BRD7: variants seen among roughly 807,000 people sequenced by gnomAD.
BRD7 encodes bromodomain containing 7, also known as bromodomain-containing protein 7.
Under a neutral mutation model 82.1 loss-of-function variants are expected in BRD7, and 15 were observed. That is an observed-to-expected ratio of 0.18 (90% CI 0.12 to 0.28). The LOEUF (loss-of-function observed/expected upper bound fraction) is 0.28. BRD7 is among the 10% of genes least tolerant of loss of function. The pLI, the probability that BRD7 is intolerant of heterozygous loss-of-function variation, is 1.00. For synonymous variants in BRD7, 232 were observed against 266.9 expected (o/e 0.87, Z 1.27); for missense variants, 638 against 779.9 (o/e 0.82, Z 2.17).
intron 2 of BRD7, among the ~76,000 whole-genome samples, chr16:50,364,518 C>T (rs756809888): frequency 5.3e-5 from 8 of 152,198 alleles, no homozygotes; most frequent in Non-Finnish European, 1.2e-4. Flanking sequence ...TAGAAACCAT[C>T]CCCCTACCTG....
intron 5 of BRD7, among the ~76,000 whole-genome samples, chr16:50,341,179 C>CACAT (rs2038035230): frequency 4.0e-5 from 3 of 74,922 alleles, no homozygotes; most frequent in Non-Finnish European, 7.0e-5. Context: ...ACCTTAAGTA[C>CACAT]ACACACACAC....
At chr16:50,333,265 A>G (rs2037647265) in intron 8 of BRD7, among the ~76,000 whole-genome samples, 1 of 152,230 alleles carries the variant, frequency 6.6e-6, no homozygotes, top group South Asian at 2.1e-4. Flanking sequence ...TTAAAAATCC[A>G]GTAAAAGAGG....
intron 11 of BRD7, among the ~76,000 whole-genome samples, chr16:50,324,542 T>C (rs902275900): frequency 8.5e-5 from 13 of 152,230 alleles, no homozygotes; most frequent in African/African-American, 3.1e-4. Flanking sequence ...TGCTTCTTCC[T>C]GCTGTTCTCA....
chr16:50,333,886 A>G (rs1026066125), intron 7 of BRD7, among the ~76,000 whole-genome samples, 189 bp from the exon 8 acceptor site: 3 of 152,220 alleles, frequency 2.0e-5, no homozygotes, highest in Non-Finnish European at 4.4e-5. Flanking sequence ...AGGCACACCT[A>G]ACATGTTATT....
chr16:50,323,809 A>G, intron 11 of BRD7, 111 bp from the exon 12 acceptor site: 1 of 701,632 alleles, frequency 1.4e-6, no homozygotes, highest in East Asian at 2.6e-5. Context: ...CATGACATCA[A>G]ATTTCTGCCT....
chr16:50,368,638 C>G (rs2039250518), intron 1 of BRD7, 88 bp downstream of exon 1: 14 of 1,414,530 alleles, frequency 9.9e-6, no homozygotes, highest in African/African-American at 1.5e-5. Flanking sequence ...AAGGAAGGGC[C>G]CCGGGCCGCC....
In BRD7 at chr16:50,319,169, G is replaced by A. The variant is rs2036954023; in HGVS notation, c.*42C>T. The A allele has an allele frequency of 6.8e-7, 1 of 1,461,462 alleles. No individual in the cohort carries two copies. The highest frequency in any genetic ancestry group is 9.4e-7 in the Non-Finnish European group (1 of 1,064,560). 90.5% of individuals were successfully genotyped at this position (1,461,462 alleles called of 1,614,324 possible). ...TGAAAAGCATTTCTAAGTTAAGAAT[G>A]AAAAAGTATGTACATAATATATAAT... On this transcript the variant is annotated 3_prime_UTR_variant, in exon 17 of 17. Coordinates refer to ENST00000394688, the MANE Select transcript of BRD7 (RefSeq NM_013263.5).
chr16:50,317,752 T>C lies in BRD7; in HGVS notation c.*1459A>G, dbSNP rs1212061566. The stretch of plus-strand genomic sequence containing the variant: ...TTACCAAGTAATTACTGGTGTCATT[T>C]TGTTTTATGACAGACACACGTATCT... On this transcript the variant is annotated 3_prime_UTR_variant, in exon 17 of 17. Coordinates refer to ENST00000394688, the MANE Select transcript of BRD7 (RefSeq NM_013263.5). 2.6e-5 allele frequency: 4 copies of C among 152,392 alleles called. No individual in the cohort carries two copies. The highest frequency in any genetic ancestry group is 4.4e-5 in the Non-Finnish European group (3 of 68,034). 9.4% of individuals were successfully genotyped at this position (152,392 alleles called of 1,614,324 possible).
chr16:50,341,642 C>A (rs1344461371), intron 5 of BRD7, among the ~76,000 whole-genome samples: 831 of 105,634 alleles, frequency 7.9e-3, no homozygotes, highest in Middle Eastern at 0.01. Context: ...GACTCGGTCT[C>A]AAAAAAAAAA....
chr16:50,341,177 TACACACACACACACACACACAC>T (rs57755008), intron 5 of BRD7, among the ~76,000 whole-genome samples: 90 of 137,302 alleles, frequency 6.6e-4, no homozygotes, highest in South Asian at 4.5e-3. Flanking sequence ...AGACCTTAAG[TACACACACACACACACACACAC>T]ACACACACAC....
intron 2 of BRD7, among the ~76,000 whole-genome samples, chr16:50,358,342 T>C (rs894718273): frequency 1.6e-3 from 1 of 616 alleles, no homozygotes; most frequent in East Asian, 0.071. Flanking sequence ...CTAGGCAACA[T>C]AGCGAAATCC....
At position 50,363,641 on chromosome 16, in the gene BRD7, T is replaced by TTGTG. The variant is rs374792308; in HGVS notation, c.258+4445_258+4448dup. Among the ~76,000 whole-genome samples, 719 of 149,150 alleles carry TTGTG rather than the reference T, an allele frequency of 4.8e-3. 5 individuals are homozygous for TTGTG. Among genetic ancestry groups the TTGTG allele is most frequent in the African/African-American group, 0.011 (451 of 39,482 alleles). On this transcript the variant is annotated intron_variant, in intron 2 of 16. Transcript: ENST00000394688. Reference sequence around the variant, plus strand: ...AATTGTAAGGCTTTACGTTGTGTGTTTGTGTGTGTGTGTGTGTGTGCGCGC... The same window carrying TTGTG: ...AATTGTAAGGCTTTACGTTGTGTGTTTGTGTGTGTGTGTGTGTGTGTGTGCGCGC...
In BRD7 at chr16:50,319,865, CCAGAGAAA is replaced by C; in HGVS notation, c.1900+14_1900+21del. The C allele has an allele frequency of 6.2e-7, 1 of 1,606,228 alleles. No homozygotes were observed. The highest frequency in any genetic ancestry group is 2.2e-5 in the East Asian group (1 of 44,838). ...ATAGTCACCATAGCTTTCTGCTTTC[CCAGAGAAA>C]ACAGGGCACGTACCTTCTGTCAAAT... On this transcript the variant is annotated intron_variant, in intron 16 of 16. Transcript: ENST00000394688.
Position 50,368,589 on chromosome 16 carries a change from C to T in BRD7, c.49+137G>A, listed in dbSNP as rs920659658. On this transcript the variant is annotated intron_variant, in intron 1 of 16. Coordinates refer to ENST00000394688, the MANE Select transcript of BRD7 (RefSeq NM_013263.5). ...GCACGGGGGGCAGCGCGGCCTCCGGCAGGACGCGCCCCCTTCGCCGGCCTG... is the reference window on the plus strand; with the variant it reads ...GCACGGGGGGCAGCGCGGCCTCCGGTAGGACGCGCCCCCTTCGCCGGCCTG... 1.6e-5 allele frequency: 15 copies of T among 934,396 alleles called. No homozygotes were observed. In the Admixed American group the frequency reaches 3.0e-4, roughly 19 times the overall value. The allele number at this position is 934,396 out of a possible 1,614,324, so 57.9% of individuals were successfully genotyped here. A position where few individuals can be genotyped will look rare whatever the true frequency, so the allele number is the denominator to read the frequency against.
intron 8 of BRD7, among the ~76,000 whole-genome samples, chr16:50,329,412 T>A (rs1306835637): frequency 1.3e-5 from 2 of 152,294 alleles, no homozygotes; most frequent in African/African-American, 4.8e-5. Context: ...ACCCAAGACA[T>A]GGCTTCTGTT....
intron 6 of BRD7, among the ~76,000 whole-genome samples, chr16:50,336,867 T>G (rs945831683): frequency 1.3e-5 from 2 of 152,260 alleles, no homozygotes; most frequent in African/African-American, 4.8e-5. Flanking sequence ...AATGTCTTTT[T>G]CTTTTTTTGG....
chr16:50,367,792 T>C (rs960725998), intron 2 of BRD7, among the ~76,000 whole-genome samples: 1 of 152,248 alleles, frequency 6.6e-6, no homozygotes, highest in Non-Finnish European at 1.5e-5. Flanking sequence ...TGAGGCTTTC[T>C]TGAGCATGAC....
At chr16:50,364,606 G>A (rs1482655683) in intron 2 of BRD7, among the ~76,000 whole-genome samples, 2 of 152,162 alleles carry the variant, frequency 1.3e-5, no homozygotes, top group Non-Finnish European at 2.9e-5. Context: ...AAAATACAAT[G>A]GGACTAATGA....
intron 1 of BRD7, 58 bp from the exon 2 acceptor site, chr16:50,368,356 G>GGGAGTGCTAAGGATGC: frequency 1.3e-6 from 2 of 1,560,464 alleles, no homozygotes; most frequent in Non-Finnish European, 1.7e-6. Flanking sequence ...GGGCTCTCCA[G>GGGAGTGCTAAGGATGC]GGAGTGCTAA....
Sources: allele counts gnomAD v4.1 joint callset (sites outside exome capture counted in the v4.1 genomes callset), GRCh38; gene constraint gnomAD v4.1.1; transcripts MANE v1.5; gene names NCBI Gene and HGNC (gene_info 2026-07-23, HGNC 2026-07-21).